The following AGMO variants were observed in gnomAD, a reference collection of about 807,000 sequenced individuals.
AGMO encodes the protein glyceryl-ether monooxygenase.
AGMO carries 75 observed loss-of-function variants against 60.2 expected under a neutral mutation model. The observed-to-expected ratio is 1.25, with a 90% CI of 1.03 to 1.51. The LOEUF is 1.51. AGMO is among the 40% of genes most tolerant of loss of function. AGMO has a pLI of 0.00. For synonymous variants in AGMO, 261 were observed against 177.1 expected, an observed-to-expected ratio of 1.47 and a Z score of -3.76; for missense variants, 763 against 525.5, an observed-to-expected ratio of 1.45 and a Z score of -4.42.
chr7:15,555,258 A>C (rs542904403), intron 2 of AGMO, among the ~76,000 whole-genome samples: 168 of 144,454 alleles, frequency 1.2e-3, no homozygotes, highest in African/African-American at 4.2e-3. Context: ...CAAATAAATT[A>C]ATGTATTGGA....
chr7:15,521,165 A>G (rs769424568), intron 3 of AGMO, among the ~76,000 whole-genome samples: 2 of 152,216 alleles, frequency 1.3e-5, no homozygotes, highest in Non-Finnish European at 2.9e-5. Context: ...GAATCCCTGA[A>G]TAGACCAATA....
At chr7:15,276,299 G>A (rs1234025967) in intron 12 of AGMO, among the ~76,000 whole-genome samples, 1 of 151,986 alleles carries the variant, frequency 6.6e-6, no homozygotes, top group East Asian at 1.9e-4. Flanking sequence ...GCACAGTTTG[G>A]CAGGATACAA....
At chr7:15,413,750 C>T (rs1780678909) in intron 5 of AGMO, among the ~76,000 whole-genome samples, 1 of 151,862 alleles carries the variant, frequency 6.6e-6, no homozygotes, top group South Asian at 2.1e-4. Context: ...TTAAGGAAAA[C>T]ATGACATCTT....
chr7:15,186,076 T>C, the AGMO span, among the ~76,000 whole-genome samples: 2 of 152,182 alleles, frequency 1.3e-5, no homozygotes, highest in Non-Finnish European at 2.9e-5. Flanking sequence ...ATAAATATTC[T>C]TGTCACTCTC....
At chr7:15,260,693 C>T (rs1300308069) in intron 12 of AGMO, among the ~76,000 whole-genome samples, 1 of 152,000 alleles carries the variant, frequency 6.6e-6, no homozygotes, top group Non-Finnish European at 1.5e-5. Flanking sequence ...AACATTCTAC[C>T]CAACAACTGA....
intron 12 of AGMO, among the ~76,000 whole-genome samples, chr7:15,317,310 G>A (rs543753621): frequency 6.6e-6 from 1 of 152,274 alleles, no homozygotes; most frequent in South Asian, 2.1e-4. Context: ...ACCCGGAAAA[G>A]TAGTCAAGTA....
chr7:15,336,485 C>G (rs1781665229), intron 12 of AGMO, among the ~76,000 whole-genome samples: 1 of 151,652 alleles, frequency 6.6e-6, no homozygotes, highest in African/African-American at 2.4e-5. Context: ...CATCTTGAAT[C>G]CCAAAATCAA....
the AGMO span, among the ~76,000 whole-genome samples, chr7:15,167,377 T>C: frequency 6.6e-6 from 1 of 152,164 alleles, no homozygotes; most frequent in South Asian, 2.1e-4. Flanking sequence ...CTTTATTTGT[T>C]CAAAAGGATT....
At chr7:15,505,525 T>C (rs368789626) in intron 3 of AGMO, among the ~76,000 whole-genome samples, 2 of 152,146 alleles carry the variant, frequency 1.3e-5, no homozygotes, top group East Asian at 3.9e-4. Context: ...ACAAAGTCTG[T>C]GTCACTCTCC....
chr7:15,439,760 T>C (rs1339630922), intron 3 of AGMO, among the ~76,000 whole-genome samples: 12 of 152,200 alleles, frequency 7.9e-5, no homozygotes, highest in Non-Finnish European at 2.9e-5. Flanking sequence ...TAGTTATGTA[T>C]GATTTTATTT....
At chr7:15,401,129 C>A (rs950062493) in intron 5 of AGMO, among the ~76,000 whole-genome samples, 2 of 152,070 alleles carry the variant, frequency 1.3e-5, no homozygotes, top group African/African-American at 4.8e-5. Context: ...GAAGTTTTCT[C>A]ACTACCTTAC....
chr7:15,480,509 G>A (rs1179370077), intron 3 of AGMO, among the ~76,000 whole-genome samples: 3 of 152,114 alleles, frequency 2.0e-5, no homozygotes, highest in African/African-American at 7.2e-5. Context: ...CTACAATTAA[G>A]TTATAATTAA....
downstream of AGMO, among the ~76,000 whole-genome samples, chr7:15,200,107 C>G (rs1355395886): frequency 6.6e-6 from 1 of 151,730 alleles, no homozygotes; most frequent in African/African-American, 2.4e-5. Flanking sequence ...GTACATGTGT[C>G]TTTGATTATT....
intron 3 of AGMO, among the ~76,000 whole-genome samples, chr7:15,471,063 C>T (rs974768120): frequency 6.6e-6 from 1 of 151,912 alleles, no homozygotes; most frequent in Non-Finnish European, 1.5e-5. Flanking sequence ...AACTCCAGCA[C>T]ATTAAAATGG....
At chr7:15,309,042 G>C (rs1264384808) in intron 12 of AGMO, among the ~76,000 whole-genome samples, 1 of 151,968 alleles carries the variant, frequency 6.6e-6, no homozygotes, top group Admixed American at 6.6e-5. Flanking sequence ...TCAGGCACTG[G>C]GCTGAAACCA....
intron 12 of AGMO, among the ~76,000 whole-genome samples, chr7:15,324,070 T>C (rs1353793932): frequency 6.6e-6 from 1 of 152,218 alleles, no homozygotes; most frequent in African/African-American, 2.4e-5. Context: ...TAACAATGTA[T>C]TAGAGATACA....
At chr7:15,293,752 CCAGT>C (rs900061925) in intron 12 of AGMO, among the ~76,000 whole-genome samples, 3 of 152,054 alleles carry the variant, frequency 2.0e-5, no homozygotes, top group African/African-American at 7.2e-5. Context: ...GGCCTTTTTG[CCAGT>C]GAGTATTAAA....
chr7:15,257,172 G>C (rs1783123351), intron 12 of AGMO, among the ~76,000 whole-genome samples: 1 of 151,962 alleles, frequency 6.6e-6, no homozygotes, highest in Non-Finnish European at 1.5e-5. Flanking sequence ...GAACTCTAAA[G>C]GGGTGAAAAA....
intron 12 of AGMO, among the ~76,000 whole-genome samples, chr7:15,219,847 T>C (rs1781862659): frequency 6.6e-6 from 1 of 152,140 alleles, no homozygotes; most frequent in African/African-American, 2.4e-5. Flanking sequence ...CCAAGGAGTA[T>C]ATACCTAAGA....
Sources: gnomAD v4.1 joint callset for allele counts (sites outside exome capture counted in the v4.1 genomes callset) on GRCh38, gnomAD v4.1.1 for gene constraint, MANE v1.5 for transcripts, NCBI Gene and HGNC (gene_info 2026-07-23, HGNC 2026-07-21) for gene names.